Variants in CACNA1H observed in about 807,000 individuals in gnomAD.
CACNA1H encodes the protein voltage-dependent T-type calcium channel subunit alpha-1H.
CACNA1H carries 149 observed loss-of-function variants against 192.5 expected under a neutral mutation model. That is an observed-to-expected ratio of 0.77 (90% confidence interval 0.68 to 0.89). The LOEUF is 0.89. Among genes scored for constraint, CACNA1H ranks in the 40% least tolerant of loss-of-function variants. The probability of loss-of-function intolerance (pLI) is 0.00; values close to 1 mark genes in which losing one functional copy is unlikely to be tolerated. For synonymous variants in CACNA1H, 2,202 were observed against 1,475.2 expected (o/e 1.49, Z -11.29); for missense variants, 4,257 against 3,423.5 (o/e 1.24, Z -6.08).
intron 2 of CACNA1H, 90 bp from the exon 3 acceptor site, chr16:1,194,882 G>A (rs554309383): frequency 3.0e-4 from 280 of 943,248 alleles, no homozygotes; most frequent in African/African-American, 3.0e-3. Flanking sequence ...CACCCGTGGC[G>A]GGGCTCCGGC....
chr16:1,218,639 G>A lies in CACNA1H; in HGVS notation c.5875G>A (p.Gly1959Ser), dbSNP rs769390123. The change falls in exon 33 of 35, where the codon GGC becomes AGC. Residue 1959 changes from glycine to serine, a missense_variant. Coordinates refer to ENST00000348261, the MANE Select transcript of CACNA1H (RefSeq NM_021098.3). ...GGTGGAGATGGAGACCTATGGGGCC[G>A]GCACCCCCTTGGGTATGGTAGCCAG... ...QEVEMETYGAGTPLGSVASVH... is the reference protein window; with the variant it reads ...QEVEMETYGASTPLGSVASVH... 1.4e-5 allele frequency: 22 copies of A among 1,548,606 alleles called. No homozygotes were observed. Among genetic ancestry groups the A allele is most frequent in the Middle Eastern group, 1.7e-4 (1 of 5,820 alleles).
At chr16:1,212,373 G>T in intron 25 of CACNA1H, 138 bp from the exon 26 acceptor site, 3 of 1,044,614 alleles carry the variant, frequency 2.9e-6, no homozygotes, top group African/African-American at 1.6e-5. Context: ...CGCCCAAGAG[G>T]CAGGTTCCCC....
chr16:1,205,374 G>A (rs59740700), intron 11 of CACNA1H, 109 bp downstream of exon 11: 51 of 1,219,168 alleles, frequency 4.2e-5, no homozygotes, highest in Non-Finnish European at 5.5e-5. Context: ...TACGACGATA[G>A]CTCTTTATGA....
chr16:1,212,712 G>A (rs543695142), intron 26 of CACNA1H, among the ~76,000 whole-genome samples, 184 bp downstream of exon 26: 3 of 152,166 alleles, frequency 2.0e-5, no homozygotes, highest in Admixed American at 6.5e-5. Context: ...GTGCGTGCAC[G>A]CGTGCGGCTC....
At chr16:1,182,264 G>A (rs899292588) in intron 2 of CACNA1H, among the ~76,000 whole-genome samples, 3 of 152,196 alleles carry the variant, frequency 2.0e-5, no homozygotes, top group African/African-American at 7.2e-5. Flanking sequence ...ACATAGAGGC[G>A]GAGGCCAGGG....
rs1266523692 is a variant in CACNA1H at position 1,180,316 on chromosome 16, CG to C, written c.300-14653del. Among the ~76,000 whole-genome samples, 2 of 152,210 alleles carry C rather than the reference CG, an allele frequency of 1.3e-5. No individual in the cohort carries two copies. The highest frequency in any genetic ancestry group is 2.9e-5 in the Non-Finnish European group (2 of 68,030). ...AGCATAATGTGAGGCGAGAGGGACT[CG>C]GGCTGCTGTGGGCTGGGGAGGACGG... is the stretch of plus-strand genomic sequence containing the variant. On this transcript the variant is annotated intron_variant, in intron 2 of 34. Coordinates refer to ENST00000348261, the MANE Select transcript of CACNA1H (RefSeq NM_021098.3). The surrounding 1 kb of genome is among the most constrained non-coding windows in gnomAD (Gnocchi z 4.4).
intron 2 of CACNA1H, among the ~76,000 whole-genome samples, chr16:1,164,367 C>G (rs956013170): frequency 6.6e-6 from 1 of 152,064 alleles, no homozygotes; most frequent in African/African-American, 2.4e-5. Context: ...AAGGTCTCAC[C>G]CTGTCGCCCA....
At position 1,202,277 on chromosome 16, in the gene CACNA1H, C is replaced by T; in HGVS notation, c.1827C>T (p.Gly609=). 6.3e-7 allele frequency: 1 copy of T among 1,580,838 alleles called. No individual in the cohort carries two copies. Among genetic ancestry groups the T allele is most frequent in the Non-Finnish European group, 8.6e-7 (1 of 1,165,654 alleles). The change falls in exon 9 of 35, where the codon GGC becomes GGT. Residue 609 remains glycine (G), a synonymous_variant. Transcript: ENST00000348261. The part of the protein sequence containing the change: ...AASLRLATGL[G]TMNYPTILPS... ...GCCTCAGACTGGCCACAGGGCTGGGCACCATGAACTACCCCACGATCCTGC... is the reference window on the plus strand; with the variant it reads ...GCCTCAGACTGGCCACAGGGCTGGGTACCATGAACTACCCCACGATCCTGC...
chr16:1,155,571 G>A (rs868473116), intron 2 of CACNA1H, among the ~76,000 whole-genome samples: 2 of 152,178 alleles, frequency 1.3e-5, no homozygotes, highest in South Asian at 4.1e-4. Context: ...CCCAACGTGT[G>A]CAGACCGGAG....
Position 1,210,397 on chromosome 16 carries a change from C to T in CACNA1H, c.3873C>T (p.Ile1291=), listed in dbSNP as rs1459301686. ...TCCGCGTCTCCTGCCAGAAGGTCATCACACACAAGATGTTTGATCACGTGG... is the reference window on the plus strand; with the variant it reads ...TCCGCGTCTCCTGCCAGAAGGTCATTACACACAAGATGTTTGATCACGTGG... ...NRFRVSCQKV[I]THKMFDHVVL... is the part of the protein sequence containing the mutation. The change falls in exon 19 of 35, where the codon ATC becomes ATT. Residue 1291 remains isoleucine, a synonymous_variant. Transcript: ENST00000348261. 2 of 1,357,464 alleles carry T rather than the reference C, an allele frequency of 1.5e-6. No homozygotes were observed. The highest frequency in any genetic ancestry group is 3.0e-5 in the African/African-American group (2 of 66,022). The allele number at this position is 1,357,464 out of a possible 1,614,324, so 84.1% of individuals were successfully genotyped here.
intron 2 of CACNA1H, among the ~76,000 whole-genome samples, chr16:1,170,910 T>G (rs1033321235): frequency 2.6e-5 from 4 of 152,166 alleles, no homozygotes; most frequent in Admixed American, 1.3e-4. Context: ...CTTGGCTCAG[T>G]GGTTCCCGTG....
At chr16:1,172,394 C>T (rs1164771563) in intron 2 of CACNA1H, among the ~76,000 whole-genome samples, 1 of 152,078 alleles carries the variant, frequency 6.6e-6, no homozygotes, top group East Asian at 1.9e-4. Flanking sequence ...AGGCTGCCCC[C>T]AGGCGTCCTC....
At position 1,218,555 on chromosome 16, in the gene CACNA1H, A is replaced by T. The variant is rs777593105; in HGVS notation, c.5791A>T (p.Ser1931Cys). The change falls in exon 33 of 35, where the codon AGC becomes TGC. Residue 1931 changes from serine to cysteine, a missense_variant. Physicochemically the swap from Ser to Cys is moderately radical, Grantham distance 112 (BLOSUM62 -1). Coordinates refer to ENST00000348261, the MANE Select transcript of CACNA1H (RefSeq NM_021098.3). ...CAGGATGCTCTCGCTGCCCAACGAC[A>T]GCTACATGTTCAGGCCCGTGGTGCC... ...VSRMLSLPNDSYMFRPVVPAS... is the reference protein window; with the variant it reads ...VSRMLSLPNDCYMFRPVVPAS... The T allele has an allele frequency of 6.4e-7, 1 of 1,562,760 alleles. No homozygotes were observed. The highest frequency in any genetic ancestry group is 8.7e-7 in the Non-Finnish European group (1 of 1,154,008).
intron 19 of CACNA1H, 41 bp from the exon 20 acceptor site, chr16:1,210,542 G>T (rs964914459): frequency 6.2e-7 from 1 of 1,610,314 alleles, no homozygotes; most frequent in African/African-American, 1.3e-5. Flanking sequence ...CCCCAGGGAG[G>T]GGTGGAGTGG....
At position 1,221,050 on chromosome 16, in the gene CACNA1H, G is replaced by A. The variant is rs975081979; in HGVS notation, c.*56G>A. 7.4e-7 allele frequency: 1 copy of A among 1,360,306 alleles called. No individual in the cohort carries two copies. The highest frequency in any genetic ancestry group is 9.9e-7 in the Non-Finnish European group (1 of 1,009,466). The allele number at this position is 1,360,306 out of a possible 1,614,324, so 84.3% of individuals were successfully genotyped here. On this transcript the variant is annotated 3_prime_UTR_variant, in exon 35 of 35. Transcript: ENST00000348261. The stretch of plus-strand genomic sequence containing the variant: ...CCCTGGGGTCTGGGGGCCCCGCTGG[G>A]GTGGAGGCCCAGGCAGAACCCTGCA...
intron 2 of CACNA1H, among the ~76,000 whole-genome samples, chr16:1,184,733 T>C (rs899839038): frequency 1.3e-5 from 2 of 152,202 alleles, no homozygotes; most frequent in Non-Finnish European, 2.9e-5. Context: ...AACCTATGCC[T>C]GCCCATGTGC....
intron 3 of CACNA1H, 68 bp downstream of exon 3, chr16:1,195,151 TGGGGCG>T (rs1228088015): frequency 4.7e-5 from 5 of 105,810 alleles, no homozygotes; most frequent in East Asian, 2.8e-4. Flanking sequence ...CAAGGCGGAG[TGGGGCG>T]GGGGCGGGGC....
At chr16:1,158,662 G>C (rs1451726059) in intron 2 of CACNA1H, among the ~76,000 whole-genome samples, 1 of 152,208 alleles carries the variant, frequency 6.6e-6, no homozygotes, top group Non-Finnish European at 1.5e-5. Context: ...GCCCAGAGCA[G>C]GCCGGGCCCT....
In CACNA1H at chr16:1,207,047, G is replaced by A; in HGVS notation, c.2836G>A (p.Asp946Asn). Residue 946 changes from aspartate (D) to asparagine (N), a missense_variant, in exon 13 of 35, where the codon GAC becomes AAC. Asp to Asn is a conservative substitution (Grantham distance 23). Transcript: ENST00000348261. ...LFGCKFSLKT[D>N]TGDTVPDRKN... ...CGGCTGCAAGTTCAGCCTGAAGACA[G>A]ACACCGGAGACACCGTGCCTGACAG... The A allele has an allele frequency of 3.7e-6, 6 of 1,601,806 alleles. No individual in the cohort carries two copies. The highest frequency in any genetic ancestry group is 5.1e-6 in the Non-Finnish European group (6 of 1,174,316).
Sources: gnomAD v4.1 joint callset for allele counts (sites outside exome capture counted in the v4.1 genomes callset) on GRCh38, gnomAD v4.1.1 for gene constraint, Gnocchi (gnomAD v3.1) non-coding constraint, MANE v1.5 for transcripts, NCBI Gene and HGNC (gene_info 2026-07-23, HGNC 2026-07-21) for gene names.